RALGAPA2: variants seen among roughly 807,000 people sequenced by gnomAD.
RALGAPA2 encodes the protein ral GTPase-activating protein subunit alpha-2.
RALGAPA2 carries 139 observed loss-of-function variants against 230.4 expected under a neutral mutation model. The observed-to-expected ratio is 0.60, with a 90% CI of 0.53 to 0.69. The LOEUF (loss-of-function observed/expected upper bound fraction) is 0.69, where lower values mean the gene tolerates loss of function less well. RALGAPA2 is among the 30% of genes least tolerant of loss of function. RALGAPA2 has a pLI of 0.00. For missense variants in RALGAPA2, 2,163 were observed against 2,276.0 expected (o/e 0.95, Z 1.01); for synonymous variants, 847 against 837.8 (o/e 1.01, Z -0.19).
chr20:20,445,919 T>C (rs559534703), intron 37 of RALGAPA2, among the ~76,000 whole-genome samples: 1 of 152,294 alleles, frequency 6.6e-6, no homozygotes, highest in East Asian at 1.9e-4. Flanking sequence ...TGCATTCTGC[T>C]AGCACTAAAC....
intron 23 of RALGAPA2, among the ~76,000 whole-genome samples, chr20:20,555,256 C>T (rs2064049929): frequency 6.6e-6 from 1 of 152,204 alleles, no homozygotes; most frequent in Admixed American, 6.5e-5. Flanking sequence ...TACTTCTAGA[C>T]TCTTAATTCT....
intron 20 of RALGAPA2, among the ~76,000 whole-genome samples, chr20:20,577,243 A>C (rs1456853237): frequency 1.3e-5 from 2 of 152,146 alleles, no homozygotes; most frequent in African/African-American, 4.8e-5. Context: ...TGACAAGGGC[A>C]ACAAAAGGCA....
In RALGAPA2 at chr20:20,398,218, C is replaced by A. The variant is rs545854223; in HGVS notation, c.5618-1484G>T. Among the ~76,000 whole-genome samples, 5 of 152,138 alleles carry A rather than the reference C, an allele frequency of 3.3e-5. No homozygotes were observed. The highest frequency in any genetic ancestry group is 1.2e-4 in the African/African-American group (5 of 41,426). On this transcript the variant is annotated intron_variant, in intron 38 of 39. Coordinates refer to ENST00000202677, the MANE Select transcript of RALGAPA2 (RefSeq NM_020343.4). This position sits in a 1 kb window ranked among gnomAD's most constrained non-coding sequence, Gnocchi z 4.5. ...TGAGCAAAGGGTCTCTTTATGAAGG[C>A]GCTCCTTGATCTCACTCCTCTGCAG... is the stretch of plus-strand genomic sequence containing the variant.
chr20:20,682,568 T>G (rs767116757), intron 1 of RALGAPA2, among the ~76,000 whole-genome samples: 7 of 152,136 alleles, frequency 4.6e-5, no homozygotes, highest in Non-Finnish European at 8.8e-5. Context: ...CACTCTATGC[T>G]TCCCTGTCAC....
chr20:20,515,106 C>A (rs1266432950), intron 31 of RALGAPA2, among the ~76,000 whole-genome samples: 1 of 152,236 alleles, frequency 6.6e-6, no homozygotes, highest in Admixed American at 6.5e-5. Context: ...GACCACTGTG[C>A]ATTCCATGGA....
At chr20:20,617,390 G>A (rs1230452076) in intron 12 of RALGAPA2, among the ~76,000 whole-genome samples, 1 of 152,140 alleles carries the variant, frequency 6.6e-6, no homozygotes, top group East Asian at 1.9e-4. Context: ...AGTTGATGAT[G>A]ATGATAACTT....
At chr20:20,402,022 T>G (rs1444966552) in intron 38 of RALGAPA2, among the ~76,000 whole-genome samples, 9 of 152,144 alleles carry the variant, frequency 5.9e-5, no homozygotes, top group Non-Finnish European at 1.3e-4. Flanking sequence ...TCTCCCCCAC[T>G]GGGTTGTTCA....
intron 1 of RALGAPA2, among the ~76,000 whole-genome samples, chr20:20,684,738 A>C (rs2068641381): frequency 6.6e-6 from 1 of 152,134 alleles, no homozygotes; most frequent in African/African-American, 2.4e-5. Context: ...CCCTTTATTA[A>C]TTTGCTGCCT....
intron 37 of RALGAPA2, among the ~76,000 whole-genome samples, chr20:20,445,951 A>G (rs1045849856): frequency 2.6e-5 from 4 of 152,220 alleles, no homozygotes; most frequent in African/African-American, 9.6e-5. Context: ...GCTTTGGAAA[A>G]AACATTTTTT....
At chr20:20,476,664 C>T (rs1332087156) in intron 36 of RALGAPA2, among the ~76,000 whole-genome samples, 1 of 130,120 alleles carries the variant, frequency 7.7e-6, no homozygotes, top group Non-Finnish European at 1.7e-5. Context: ...GTACAAAAGG[C>T]ATAAATCATA....
chr20:20,505,732 T>C (rs2123707583), intron 33 of RALGAPA2, among the ~76,000 whole-genome samples, 198 bp from the exon 34 acceptor site: 1 of 152,248 alleles, frequency 6.6e-6, no homozygotes, highest in South Asian at 2.1e-4. Flanking sequence ...ATGAGTATTA[T>C]TATCACCTCC....
At chr20:20,614,115 G>A (rs1173250490) in intron 13 of RALGAPA2, among the ~76,000 whole-genome samples, 1 of 152,194 alleles carries the variant, frequency 6.6e-6, no homozygotes, top group Non-Finnish European at 1.5e-5. Context: ...AAGGAAAGGA[G>A]GGATGGGAGG....
intron 18 of RALGAPA2, among the ~76,000 whole-genome samples, chr20:20,587,775 C>T (rs6075677): frequency 0.029 from 4,443 of 151,736 alleles, 87 homozygotes; most frequent in South Asian, 0.061. Flanking sequence ...TCATACCATA[C>T]AAAGAGCTAG....
chr20:20,669,623 C>T (rs925769238), intron 3 of RALGAPA2, among the ~76,000 whole-genome samples: 1 of 152,180 alleles, frequency 6.6e-6, no homozygotes, highest in Non-Finnish European at 1.5e-5. Flanking sequence ...CTGGCCTTGC[C>T]CATTCCTTCC....
At position 20,512,506 on chromosome 20, in the gene RALGAPA2, T is replaced by C; in HGVS notation, c.4856+7A>G. On this transcript the variant is annotated splice_region_variant and intron_variant, in intron 32 of 39. Coordinates refer to ENST00000202677, the MANE Select transcript of RALGAPA2 (RefSeq NM_020343.4). ...AAAATAACTGGAGGTCTAGCTTGGATTGTTACCTTCTGTCCCAAGAATTCA... is the reference window on the plus strand; with the variant it reads ...AAAATAACTGGAGGTCTAGCTTGGACTGTTACCTTCTGTCCCAAGAATTCA... The C allele has an allele frequency of 6.3e-7, 1 of 1,579,214 alleles. No homozygotes were observed. The highest frequency in any genetic ancestry group is 8.6e-7 in the Non-Finnish European group (1 of 1,165,740).
At chr20:20,547,982 A>C (rs969981450) in intron 23 of RALGAPA2, among the ~76,000 whole-genome samples, 23 of 152,196 alleles carry the variant, frequency 1.5e-4, no homozygotes, top group African/African-American at 5.6e-4. Flanking sequence ...GTTCAGTAAA[A>C]ACACAGCACT....
chr20:20,499,906 T>G (rs1190998244), intron 35 of RALGAPA2, among the ~76,000 whole-genome samples: 1 of 152,184 alleles, frequency 6.6e-6, no homozygotes, highest in Non-Finnish European at 1.5e-5. Context: ...CGCAATAGGT[T>G]TTTTAGATAT....
intron 23 of RALGAPA2, among the ~76,000 whole-genome samples, chr20:20,569,610 T>C (rs1170616647): frequency 2.0e-5 from 3 of 152,202 alleles, no homozygotes. Flanking sequence ...TTCTTTTGTC[T>C]ATACTATAAA....
chr20:20,505,204 A>G (rs1267270405), intron 34 of RALGAPA2: 1 of 978,858 alleles, frequency 1.0e-6, no homozygotes, highest in African/African-American at 1.8e-5. Flanking sequence ...AAATATTAAG[A>G]GGAAAGTTAA....
Sources: allele counts gnomAD v4.1 joint callset (sites outside exome capture counted in the v4.1 genomes callset), GRCh38; gene constraint gnomAD v4.1.1; non-coding constraint Gnocchi (gnomAD v3.1); transcripts MANE v1.5; gene names NCBI Gene and HGNC (gene_info 2026-07-23, HGNC 2026-07-21).